RGS6: variants seen among roughly 807,000 people sequenced by gnomAD.
RGS6 encodes the protein regulator of G protein signaling 6.
A neutral mutation model predicts 78.5 loss-of-function variants in RGS6; 30 were observed. The observed-to-expected ratio is 0.38, with a 90% CI of 0.29 to 0.52. The LOEUF is 0.52. RGS6 is among the 20% of genes least tolerant of loss of function. RGS6 has a pLI of 0.85. For synonymous variants in RGS6, 206 were observed against 206.0 expected (o/e 1.00, Z 0.00); for missense variants, 495 against 609.7 (o/e 0.81, Z 1.98).
intron 7 of RGS6, among the ~76,000 whole-genome samples, chr14:72,467,517 C>T (rs1382371705): frequency 6.6e-6 from 1 of 152,118 alleles, no homozygotes; most frequent in Non-Finnish European, 1.5e-5. Flanking sequence ...GCCAGCTGGG[C>T]CATCGCTCCC....
intron 3 of RGS6, among the ~76,000 whole-genome samples, chr14:72,367,323 C>T (rs375379754): frequency 1.8e-4 from 27 of 152,330 alleles, no homozygotes; most frequent in African/African-American, 6.3e-4. Context: ...TTATCTCCTA[C>T]AGCCTGTATG....
intron 2 of RGS6, among the ~76,000 whole-genome samples, chr14:72,019,582 G>A (rs996198449): frequency 6.8e-6 from 1 of 147,980 alleles, no homozygotes; most frequent in Non-Finnish European, 1.5e-5. Flanking sequence ...AGAGAAATAT[G>A]TCTTACTCTC....
At chr14:72,405,541 T>C (rs1379108665) in intron 3 of RGS6, among the ~76,000 whole-genome samples, 1 of 152,228 alleles carries the variant, frequency 6.6e-6, no homozygotes, top group Admixed American at 6.5e-5. Flanking sequence ...TCCTTCTTTC[T>C]AAAGCAATTC....
the RGS6 span, among the ~76,000 whole-genome samples, chr14:71,870,365 C>T: frequency 6.6e-6 from 1 of 152,124 alleles, no homozygotes; most frequent in African/African-American, 2.4e-5. Flanking sequence ...ACATTACTAC[C>T]TCCTTATGAG....
At chr14:72,522,411 T>C (rs553856683) in intron 15 of RGS6, among the ~76,000 whole-genome samples, 35 of 152,308 alleles carry the variant, frequency 2.3e-4, no homozygotes, top group African/African-American at 8.2e-4. Flanking sequence ...AACAGGGCGA[T>C]TTTGCAAATA....
chr14:72,611,850 C>A, the RGS6 span, among the ~76,000 whole-genome samples: 2 of 152,130 alleles, frequency 1.3e-5, no homozygotes, highest in Non-Finnish European at 2.9e-5. Flanking sequence ...TTGTCTTCTA[C>A]TGAGGAACAC....
chr14:72,019,693 C>T (rs2087939268), intron 2 of RGS6, among the ~76,000 whole-genome samples: 1 of 152,054 alleles, frequency 6.6e-6, no homozygotes. Flanking sequence ...ATTTATTTGC[C>T]CATACTCTGA....
chr14:72,019,517 G>A (rs763843131), intron 2 of RGS6, among the ~76,000 whole-genome samples: 5 of 152,144 alleles, frequency 3.3e-5, no homozygotes, highest in Non-Finnish European at 5.9e-5. Flanking sequence ...TCTGAGTGAG[G>A]TAGATCTCCA....
At chr14:72,394,601 G>C (rs139871415) in intron 3 of RGS6, among the ~76,000 whole-genome samples, 1 of 152,274 alleles carries the variant, frequency 6.6e-6, no homozygotes, top group African/African-American at 2.4e-5. Flanking sequence ...GAGAAAGATG[G>C]CTCTGTTCCG....
chr14:72,583,005 G>A, the RGS6 span, among the ~76,000 whole-genome samples: 5 of 151,684 alleles, frequency 3.3e-5, no homozygotes, highest in Admixed American at 6.6e-5. Flanking sequence ...TCAGCTGAAA[G>A]CTCAGGTACA....
chr14:71,938,200 C>G (rs746840707), intron 1 of RGS6, among the ~76,000 whole-genome samples: 5 of 152,222 alleles, frequency 3.3e-5, no homozygotes, highest in Non-Finnish European at 7.3e-5. Flanking sequence ...TTTGACCACT[C>G]AGAAAGGTCC....
At chr14:71,910,619 G>A in the RGS6 span, among the ~76,000 whole-genome samples, 48 of 152,244 alleles carry the variant, frequency 3.2e-4, no homozygotes, top group Middle Eastern at 3.4e-3. Context: ...GAGAAATTAC[G>A]TTTTTCCCCC....
At chr14:71,975,109 G>A (rs1181137395) in intron 2 of RGS6, among the ~76,000 whole-genome samples, 2 of 152,222 alleles carry the variant, frequency 1.3e-5, no homozygotes, top group East Asian at 1.9e-4. Flanking sequence ...GGCCATGATT[G>A]TGCCACCACA....
At chr14:72,416,818 T>A (rs2093847275) in intron 3 of RGS6, among the ~76,000 whole-genome samples, 1 of 152,238 alleles carries the variant, frequency 6.6e-6, no homozygotes, top group African/African-American at 2.4e-5. Flanking sequence ...CCACCTCTGA[T>A]GCCAGTTATG....
chr14:71,908,604 T>C, the RGS6 span, among the ~76,000 whole-genome samples: 1 of 152,198 alleles, frequency 6.6e-6, no homozygotes, highest in Non-Finnish European at 1.5e-5. Flanking sequence ...ATTACTGATG[T>C]TCAGGGCACA....
intron 2 of RGS6, among the ~76,000 whole-genome samples, chr14:72,326,821 C>G (rs2073887941): frequency 6.6e-6 from 1 of 152,222 alleles, no homozygotes; most frequent in Non-Finnish European, 1.5e-5. Context: ...CATTGTCCTG[C>G]CTCAGCCTGC....
chr14:72,321,004 A>C (rs2071820945), intron 2 of RGS6, among the ~76,000 whole-genome samples: 1 of 150,822 alleles, frequency 6.6e-6, no homozygotes, highest in African/African-American at 2.4e-5. Context: ...AGTTTGAAAT[A>C]TATATGTAAT....
chr14:72,011,886 T>C (rs1288394339), intron 2 of RGS6, among the ~76,000 whole-genome samples: 1 of 152,226 alleles, frequency 6.6e-6, no homozygotes, highest in African/African-American at 2.4e-5. Context: ...TCAGGGTTTG[T>C]GGATGATAGT....
intron 2 of RGS6, among the ~76,000 whole-genome samples, chr14:72,137,194 C>T (rs2096457559): frequency 1.3e-5 from 2 of 152,200 alleles, no homozygotes; most frequent in Non-Finnish European, 2.9e-5. Flanking sequence ...GGTTTAATGA[C>T]TCCAGTTTTC....
Sources: gnomAD v4.1 joint callset for allele counts (sites outside exome capture counted in the v4.1 genomes callset) on GRCh38, gnomAD v4.1.1 for gene constraint, MANE v1.5 for transcripts, NCBI Gene and HGNC (gene_info 2026-07-23, HGNC 2026-07-21) for gene names.